Variants in EFHC2 observed in about 807,000 individuals in gnomAD.
EFHC2 encodes EF-hand domain containing 2.
In EFHC2, 18 loss-of-function variants were observed where a neutral mutation model predicts 52.7. The observed-to-expected ratio is 0.34, with a 90% confidence interval of 0.24 to 0.51. EFHC2 has a LOEUF of 0.51. EFHC2 is among the 20% of genes least tolerant of loss of function. The probability of loss-of-function intolerance (pLI) is 0.97; values close to 1 mark genes in which losing one functional copy is unlikely to be tolerated. For synonymous variants in EFHC2, 203 were observed against 204.1 expected (o/e 0.99, Z 0.04); for missense variants, 513 against 562.5 (o/e 0.91, Z 0.89).
intron 2 of EFHC2, among the ~76,000 whole-genome samples, chrX:44,283,716 C>A (rs1235702144): frequency 3.1e-5 from 3 of 96,920 alleles, no homozygotes; most frequent in Non-Finnish European, 4.0e-5. Flanking sequence ...AGTTGCACAG[C>A]GCAAAATCAG....
At chrX:44,173,401 G>T (rs1459379934) in intron 13 of EFHC2, among the ~76,000 whole-genome samples, 2 of 111,964 alleles carry the variant, frequency 1.8e-5, no homozygotes, top group Non-Finnish European at 3.8e-5. Context: ...GTAAAGCCCT[G>T]TGGAGTCTGT....
chrX:44,157,735 C>A (rs1256311242), intron 14 of EFHC2, among the ~76,000 whole-genome samples: 1 of 73,664 alleles, frequency 1.4e-5, no homozygotes, highest in African/African-American at 6.7e-5. Flanking sequence ...CTGAGTGCTC[C>A]ACCCCCCTCC....
intron 2 of EFHC2, 50 bp from the exon 3 acceptor site, chrX:44,272,886 A>C: frequency 9.6e-7 from 1 of 1,040,202 alleles, no homozygotes; most frequent in Non-Finnish European, 1.3e-6. Flanking sequence ...AATTCAGCAA[A>C]CTTAAAATTA....
At chrX:44,308,331 T>C (rs1348786867) in intron 2 of EFHC2, among the ~76,000 whole-genome samples, 1 of 109,919 alleles carries the variant, frequency 9.1e-6, no homozygotes, top group Non-Finnish European at 1.9e-5. Context: ...CTCCCACATA[T>C]AAGTGCTTTT....
chrX:44,161,916 C>T (rs2036658238), intron 14 of EFHC2, among the ~76,000 whole-genome samples: 1 of 111,943 alleles, frequency 8.9e-6, no homozygotes, highest in African/African-American at 3.3e-5. Context: ...GGACAGTTTT[C>T]TTTTGTATTC....
intron 11 of EFHC2, among the ~76,000 whole-genome samples, chrX:44,215,529 T>TGG (rs375720323): frequency 2.7e-5 from 2 of 73,685 alleles, no homozygotes; most frequent in Admixed American, 1.7e-4. Context: ...ATACTTCCAT[T>TGG]GGGGGGGGGT....
At chrX:44,173,681 C>T (rs992893008) in intron 13 of EFHC2, among the ~76,000 whole-genome samples, 1 of 111,921 alleles carries the variant, frequency 8.9e-6, no homozygotes, top group African/African-American at 3.2e-5. Context: ...AGCAGCTGAG[C>T]GGGATGACCT....
chrX:44,187,969 T>TG (rs1298603332), intron 11 of EFHC2, among the ~76,000 whole-genome samples: 2 of 7,234 alleles, frequency 2.8e-4, no homozygotes, highest in Admixed American at 3.0e-3. Context: ...AAAAAAAAAG[T>TG]GTTTTTTTTT....
chrX:44,178,988 A>G (rs1350308165), intron 11 of EFHC2, among the ~76,000 whole-genome samples: 1 of 111,702 alleles, frequency 9.0e-6, no homozygotes, highest in East Asian at 2.8e-4. Flanking sequence ...AATAAATTAG[A>G]AAGGTGTTTT....
chrX:44,281,699 C>T (rs1158255255), intron 2 of EFHC2, among the ~76,000 whole-genome samples: 1 of 111,633 alleles, frequency 9.0e-6, no homozygotes, highest in Non-Finnish European at 1.9e-5. Flanking sequence ...GTTATAACTC[C>T]GATATACTAA....
At chrX:44,193,561 T>C (rs1367558791) in intron 11 of EFHC2, among the ~76,000 whole-genome samples, 3 of 112,329 alleles carry the variant, frequency 2.7e-5, no homozygotes, top group Non-Finnish European at 5.6e-5. Context: ...GTATGGATTC[T>C]CCTGTACTGC....
intron 11 of EFHC2, among the ~76,000 whole-genome samples, chrX:44,193,344 A>G (rs757403010): frequency 1.9e-5 from 2 of 104,983 alleles, no homozygotes; most frequent in East Asian, 6.1e-4. Flanking sequence ...TACATAAACC[A>G]AGCTGTGCCC....
intron 2 of EFHC2, among the ~76,000 whole-genome samples, chrX:44,278,202 C>A (rs772920814): frequency 8.9e-6 from 1 of 111,934 alleles, no homozygotes; most frequent in Non-Finnish European, 1.9e-5. Context: ...TGGCAAAACC[C>A]AATCTCTACT....
intron 13 of EFHC2, among the ~76,000 whole-genome samples, chrX:44,166,667 T>C (rs2036698863): frequency 9.0e-6 from 1 of 111,621 alleles, no homozygotes; most frequent in African/African-American, 3.3e-5. Flanking sequence ...AAATTCCCAT[T>C]ACATCAATTA....
At chrX:44,167,993 C>A (rs1275018610) in intron 13 of EFHC2, among the ~76,000 whole-genome samples, 1 of 111,398 alleles carries the variant, frequency 9.0e-6, no homozygotes, top group Non-Finnish European at 1.9e-5. Flanking sequence ...GGAAAAAAGA[C>A]CACGGTAGAG....
At chrX:44,179,838 C>G (rs2036819951) in intron 11 of EFHC2, among the ~76,000 whole-genome samples, 1 of 112,083 alleles carries the variant, frequency 8.9e-6, no homozygotes, top group Non-Finnish European at 1.9e-5. Flanking sequence ...ACTGTCCAAG[C>G]ATATAGATGA....
At chrX:44,343,490 T>C (rs1602226187) in intron 1 of EFHC2, 57 bp downstream of exon 1, 1 of 1,161,016 alleles carries the variant, frequency 8.6e-7, no homozygotes, top group Non-Finnish European at 1.2e-6. Context: ...GCCACGACCC[T>C]GCCTGGACCC....
intron 3 of EFHC2, among the ~76,000 whole-genome samples, chrX:44,270,885 G>A (rs143864593): frequency 9.0e-6 from 1 of 110,805 alleles, no homozygotes; most frequent in African/African-American, 3.3e-5. Context: ...TTCTGTCTGT[G>A]GTTCTCCTTG....
rs774032409 is a variant in EFHC2 at position 44,194,848 on chromosome X, G to A, written c.1752-16284C>T. The stretch of plus-strand genomic sequence containing the variant: ...CCAGGTTACAGAATGGTGACTCGCA[G>A]GGTCCAATTTGTACTGAGCTCATTT... On this transcript the variant is annotated intron_variant, in intron 11 of 14. Transcript: ENST00000420999. Among the ~76,000 whole-genome samples the A allele has an allele frequency of 8.5e-4, 94 of 111,125 alleles. 2 individuals are homozygous for A. The highest frequency in any genetic ancestry group is 9.2e-3 in the Middle Eastern group (2 of 217).
Sources: allele counts gnomAD v4.1 joint callset (sites outside exome capture counted in the v4.1 genomes callset), GRCh38; gene constraint gnomAD v4.1.1; transcripts MANE v1.5; gene names NCBI Gene and HGNC (gene_info 2026-07-23, HGNC 2026-07-21).